The following HS3ST4 variants were observed in gnomAD, a reference collection of about 807,000 sequenced individuals.
HS3ST4 encodes heparan sulfate-glucosamine 3-sulfotransferase 4.
In HS3ST4, 17 loss-of-function variants were observed where a neutral mutation model predicts 29.2. The observed-to-expected ratio is 0.58, with a 90% CI of 0.40 to 0.87. HS3ST4 has a LOEUF of 0.87. Among genes scored for constraint, HS3ST4 ranks in the 40% least tolerant of loss-of-function variants. HS3ST4 has a pLI of 0.00. For synonymous variants in HS3ST4, 314 were observed against 285.7 expected, an observed-to-expected ratio of 1.10 and a Z score of -1.00; for missense variants, 627 against 634.5, an observed-to-expected ratio of 0.99 and a Z score of 0.13.
chr16:26,132,843 CT>C (rs1473926531), intron 1 of HS3ST4, among the ~76,000 whole-genome samples: 2 of 152,112 alleles, frequency 1.3e-5, no homozygotes, highest in African/African-American at 4.8e-5. Flanking sequence ...ATAAAAATAG[CT>C]ATTTTCAGGT....
chr16:26,123,506 T>C (rs1273392962), intron 1 of HS3ST4, among the ~76,000 whole-genome samples: 1 of 152,248 alleles, frequency 6.6e-6, no homozygotes, highest in Non-Finnish European at 1.5e-5. Context: ...CAATTTGTAC[T>C]ATTTCAGAAA....
intron 1 of HS3ST4, among the ~76,000 whole-genome samples, chr16:26,049,483 T>TGTGTG (rs1898310706): frequency 6.6e-6 from 1 of 151,766 alleles, no homozygotes; most frequent in African/African-American, 2.4e-5. Flanking sequence ...TGTGTGTGTG[T>TGTGTG]GTGTGTGTGT....
At chr16:25,883,521 A>T (rs908194503) in intron 1 of HS3ST4, among the ~76,000 whole-genome samples, 21 of 152,188 alleles carry the variant, frequency 1.4e-4, no homozygotes, top group Admixed American at 7.2e-4. Context: ...TCCCAAACTC[A>T]TTCAAACAGG....
At chr16:26,085,877 AAAT>A (rs57927146) in intron 1 of HS3ST4, among the ~76,000 whole-genome samples, 10,228 of 146,830 alleles carry the variant, frequency 0.07, 493 homozygotes, top group Admixed American at 0.16. Flanking sequence ...CTGTCTCTTA[AAAT>A]AATAATAATA....
At chr16:25,731,579 G>C (rs1488292013) in intron 1 of HS3ST4, among the ~76,000 whole-genome samples, 1 of 152,138 alleles carries the variant, frequency 6.6e-6, no homozygotes, top group Non-Finnish European at 1.5e-5. Context: ...GGACTCAAGT[G>C]ATCTTCCCAC....
chr16:25,934,709 C>G (rs945103168), intron 1 of HS3ST4, among the ~76,000 whole-genome samples: 3 of 152,144 alleles, frequency 2.0e-5, no homozygotes, highest in African/African-American at 7.2e-5. Context: ...CACTTTCCCT[C>G]CATGCTGAGC....
chr16:26,086,046 G>C (rs1267738642), intron 1 of HS3ST4, among the ~76,000 whole-genome samples: 1 of 151,996 alleles, frequency 6.6e-6, no homozygotes, highest in Non-Finnish European at 1.5e-5. Flanking sequence ...GCAGTAATGG[G>C]ATGTACTGTC....
intron 1 of HS3ST4, among the ~76,000 whole-genome samples, chr16:25,855,211 A>C (rs1232939382): frequency 6.6e-6 from 1 of 152,170 alleles, no homozygotes; most frequent in African/African-American, 2.4e-5. Flanking sequence ...GGTAGAAAAA[A>C]ATTCTTGAGT....
chr16:25,896,140 T>C lies in HS3ST4; in HGVS notation c.734+202989T>C, dbSNP rs73515360. The stretch of plus-strand genomic sequence containing the variant: ...AAGCCATGTCCCCTGACTCCAGCTC[T>C]GTTGTTTGTTACTTCTACCACAAAC... On this transcript the variant is annotated intron_variant, in intron 1 of 1. Coordinates refer to ENST00000331351, the MANE Select transcript of HS3ST4 (RefSeq NM_006040.3). Among the ~76,000 whole-genome samples the C allele has an allele frequency of 1.9e-3, 292 of 152,330 alleles. 3 individuals are homozygous for C. Among genetic ancestry groups the C allele is most frequent in the African/African-American group, 6.8e-3 (281 of 41,582 alleles).
In HS3ST4 at chr16:25,692,578, G is replaced by A; in HGVS notation, c.161G>A (p.Gly54Asp). Residue 54 changes from glycine (G) to aspartate (D), a missense_variant, in exon 1 of 2, where the codon GGC (glycine) becomes GAC (aspartate). This residue lies in a region of HS3ST4 where 402 missense variants were observed against 340.8 expected (regional missense o/e 1.18). Transcript: ENST00000331351. ...SVTYLCYSLL[G>D]GSGSLQFPLA... ...ACCTACCTGTGCTACAGCCTCCTGG[G>A]CGGCTCGGGCTCCCTGCAATTCCCT... The A allele has an allele frequency of 2.1e-6, 3 of 1,432,058 alleles. No individual in the cohort carries two copies. The East Asian group carries it at 9.4e-5, about 45-fold the overall frequency. The allele number at this position is 1,432,058 out of a possible 1,614,324, so 88.7% of individuals were successfully genotyped here.
intron 1 of HS3ST4, among the ~76,000 whole-genome samples, chr16:26,087,793 T>G (rs1446499774): frequency 1.3e-5 from 2 of 152,170 alleles, no homozygotes; most frequent in East Asian, 3.9e-4. Context: ...ACCAGGTTGG[T>G]GCCCAAAAAG....
intron 1 of HS3ST4, among the ~76,000 whole-genome samples, chr16:25,704,180 C>T (rs1256965129): frequency 1.3e-5 from 2 of 152,206 alleles, no homozygotes; most frequent in African/African-American, 4.8e-5. Flanking sequence ...AGAAAGAACC[C>T]TCACATTTCT....
intron 1 of HS3ST4, among the ~76,000 whole-genome samples, chr16:25,708,682 A>G (rs757800805): frequency 6.6e-6 from 1 of 152,220 alleles, no homozygotes; most frequent in African/African-American, 2.4e-5. Flanking sequence ...CTTGACCTCA[A>G]TGAGAACCAT....
intron 1 of HS3ST4, among the ~76,000 whole-genome samples, chr16:26,094,421 A>C (rs1898898157): frequency 6.6e-6 from 1 of 152,246 alleles, no homozygotes; most frequent in Non-Finnish European, 1.5e-5. Flanking sequence ...ATCTCTTGGC[A>C]GAAACCCTAC....
chr16:25,850,483 A>G (rs62036292), intron 1 of HS3ST4, among the ~76,000 whole-genome samples: 16,832 of 152,168 alleles, frequency 0.11, 1,124 homozygotes, highest in East Asian at 0.21. Context: ...CTTCCCCTCT[A>G]TGTCTAAGTT....
intron 1 of HS3ST4, among the ~76,000 whole-genome samples, chr16:25,714,597 C>G (rs1380467911): frequency 6.6e-6 from 1 of 152,132 alleles, no homozygotes; most frequent in South Asian, 2.1e-4. Flanking sequence ...CTTAAGCCAC[C>G]CTGGTTAACT....
At chr16:25,699,474 T>C (rs991339387) in intron 1 of HS3ST4, among the ~76,000 whole-genome samples, 1 of 152,244 alleles carries the variant, frequency 6.6e-6, no homozygotes, top group Non-Finnish European at 1.5e-5. Flanking sequence ...TTGTATTTGA[T>C]CTATATCGAT....
At chr16:25,815,180 A>G (rs1409051415) in intron 1 of HS3ST4, among the ~76,000 whole-genome samples, 1 of 152,214 alleles carries the variant, frequency 6.6e-6, no homozygotes, top group East Asian at 1.9e-4. Flanking sequence ...AAGAGTGTCC[A>G]GTGACTTTTG....
intron 1 of HS3ST4, among the ~76,000 whole-genome samples, chr16:25,893,385 T>C (rs1403398598): frequency 6.6e-6 from 1 of 152,226 alleles, no homozygotes; most frequent in Non-Finnish European, 1.5e-5. Flanking sequence ...TGCTTCCCAG[T>C]TAGCAGCTTC....
Sources: gnomAD v4.1 joint callset for allele counts (sites outside exome capture counted in the v4.1 genomes callset) on GRCh38, gnomAD v4.1.1 for gene constraint, gnomAD v4.1.1 regional missense constraint, MANE v1.5 for transcripts, NCBI Gene and HGNC (gene_info 2026-07-23, HGNC 2026-07-21) for gene names.